The following SDK1 variants were observed in gnomAD, a reference collection of about 807,000 sequenced individuals.
The protein encoded by SDK1 is sidekick cell adhesion molecule 1.
In SDK1, 157 loss-of-function variants were observed where a neutral mutation model predicts 245.5. That is an observed-to-expected ratio of 0.64 (90% confidence interval 0.56 to 0.73). The LOEUF (loss-of-function observed/expected upper bound fraction) is 0.73, where lower values mean the gene tolerates loss of function less well. SDK1 is among the 30% of genes least tolerant of loss of function. SDK1 has a pLI of 0.00. For missense variants in SDK1, 3,583 were observed against 3,002.3 expected (o/e 1.19, Z -4.52); for synonymous variants, 1,647 against 1,278.5 (o/e 1.29, Z -6.15).
chr7:3,541,197 G>C (rs1779044691), intron 1 of SDK1, among the ~76,000 whole-genome samples: 1 of 152,220 alleles, frequency 6.6e-6, no homozygotes, highest in Admixed American at 6.5e-5. Flanking sequence ...CATGGAGTAT[G>C]TTTTCATTTT....
intron 1 of SDK1, among the ~76,000 whole-genome samples, chr7:3,522,219 G>T (rs1298799898): frequency 6.6e-6 from 1 of 152,022 alleles, no homozygotes; most frequent in Non-Finnish European, 1.5e-5. Context: ...CAGGCTTTCA[G>T]TGCTTCACAT....
intron 4 of SDK1, among the ~76,000 whole-genome samples, chr7:3,710,309 C>T (rs1785012483): frequency 6.6e-6 from 1 of 152,130 alleles, no homozygotes; most frequent in African/African-American, 2.4e-5. Context: ...ATTAGGTGGG[C>T]GTGAGATCCT....
At chr7:3,781,516 C>G (rs1364204039) in intron 4 of SDK1, among the ~76,000 whole-genome samples, 1 of 152,092 alleles carries the variant, frequency 6.6e-6, no homozygotes, top group Non-Finnish European at 1.5e-5. Context: ...ATTACAATGA[C>G]TCAAGGGAAT....
In SDK1 at chr7:3,489,064, C is replaced by T. The variant is rs111239001; in HGVS notation, c.299-130016C>T. Among the ~76,000 whole-genome samples the T allele has an allele frequency of 3.3e-5, 5 of 152,212 alleles. 1 individual carries two copies. Among genetic ancestry groups the T allele is most frequent in the African/African-American group, 1.2e-4 (5 of 41,542 alleles). On this transcript the variant is annotated intron_variant, in intron 1 of 44. Coordinates refer to ENST00000404826, the MANE Select transcript of SDK1 (RefSeq NM_152744.4). ...AGTAGAGTGCAATGTTGATTCATGG[C>T]TTGAGGGCCAGTCCAGGCTAGCGAT...
In SDK1 at chr7:3,331,047, C is replaced by T. The variant is rs188101912; in HGVS notation, c.298+29163C>T. On this transcript the variant is annotated intron_variant, in intron 1 of 44. Coordinates refer to ENST00000404826, the MANE Select transcript of SDK1 (RefSeq NM_152744.4). The stretch of plus-strand genomic sequence containing the variant: ...TTGGGAGGCCAAGGCAGGTGGATCA[C>T]GAGGTCAGGAGTTTGAGACTAGTCT... Among the ~76,000 whole-genome samples the T allele has an allele frequency of 1.2e-3, 185 of 152,054 alleles. 3 individuals carry two copies. Among genetic ancestry groups the T allele is most frequent in the Non-Finnish European group, 4.4e-4 (30 of 67,970 alleles).
intron 4 of SDK1, among the ~76,000 whole-genome samples, chr7:3,666,885 G>C (rs1337822529): frequency 6.6e-6 from 1 of 152,140 alleles, no homozygotes; most frequent in Non-Finnish European, 1.5e-5. Context: ...GTCTGCATCT[G>C]CTATCCGTCA....
intron 1 of SDK1, among the ~76,000 whole-genome samples, chr7:3,565,911 A>G (rs532378003): frequency 6.6e-6 from 1 of 152,352 alleles, no homozygotes; most frequent in African/African-American, 2.4e-5. Flanking sequence ...CCACAGATGC[A>G]GAGGATGAAC....
chr7:3,476,461 T>C (rs1401286675), intron 1 of SDK1, among the ~76,000 whole-genome samples: 2 of 152,232 alleles, frequency 1.3e-5, no homozygotes, highest in African/African-American at 2.4e-5. Context: ...ATTGTTCTCA[T>C]TGTAATCTAT....
intron 25 of SDK1, among the ~76,000 whole-genome samples, chr7:4,126,690 A>G (rs540931358): frequency 6.6e-6 from 1 of 152,384 alleles, no homozygotes; most frequent in Non-Finnish European, 1.5e-5. Flanking sequence ...ACTGCTCTCC[A>G]GTCTGAAATA....
chr7:4,089,256 G>A (rs992865916), intron 22 of SDK1, among the ~76,000 whole-genome samples: 4 of 152,198 alleles, frequency 2.6e-5, no homozygotes, highest in Admixed American at 2.0e-4. Context: ...ATCTGCACAG[G>A]GTGCTCAGTG....
chr7:3,705,457 T>TTTTA (rs1784857330), intron 4 of SDK1, among the ~76,000 whole-genome samples: 1 of 132,548 alleles, frequency 7.5e-6, no homozygotes, highest in South Asian at 2.1e-4. Flanking sequence ...TTTTATTTTA[T>TTTTA]TTTATTTTAT....
At chr7:3,349,650 A>G (rs1289385135) in intron 1 of SDK1, among the ~76,000 whole-genome samples, 1 of 152,098 alleles carries the variant, frequency 6.6e-6, no homozygotes, top group East Asian at 1.9e-4. Flanking sequence ...CCCAGGCTGC[A>G]GTGCAGTGGT....
intron 4 of SDK1, among the ~76,000 whole-genome samples, chr7:3,746,771 T>G (rs1779635418): frequency 6.6e-6 from 1 of 152,212 alleles, no homozygotes; most frequent in South Asian, 2.1e-4. Flanking sequence ...ACATCTGCAC[T>G]TACTTCTTCC....
At chr7:4,217,765 G>C (rs1191738990) in intron 38 of SDK1, among the ~76,000 whole-genome samples, 1 of 152,184 alleles carries the variant, frequency 6.6e-6, no homozygotes, top group Non-Finnish European at 1.5e-5. Context: ...CTGAGGCTTT[G>C]TAGTGCTGGG....
intron 2 of SDK1, among the ~76,000 whole-genome samples, chr7:3,636,130 C>G (rs1029254093): frequency 1.3e-5 from 2 of 152,284 alleles, no homozygotes; most frequent in African/African-American, 4.8e-5. Context: ...TAATTATACG[C>G]CCATGAAACT....
At position 4,121,020 on chromosome 7, in the gene SDK1, T is replaced by C. The variant is rs917240655; in HGVS notation, c.3824-6361T>C. The stretch of plus-strand genomic sequence containing the variant: ...CAAACATTTCCAGCTGTTGAAAACC[T>C]ATCTTTATAGTAGTCAAGAGAATGC... On this transcript the variant is annotated intron_variant, in intron 25 of 44. Transcript: ENST00000404826. Among the ~76,000 whole-genome samples, 23 of 151,970 alleles carry C rather than the reference T, an allele frequency of 1.5e-4. 1 individual carries two copies. The highest frequency in any genetic ancestry group is 6.2e-4 in the South Asian group (3 of 4,810).
Position 4,149,347 on chromosome 7 carries a change from C to T in SDK1, c.4509C>T (p.Ser1503=), listed in dbSNP as rs748912663. ...TCCGGCTCCAGTGGGTCCCGGGCAGCGACGGGGCCTCCCCCATCCGGTACT... is the reference window on the plus strand; with the variant it reads ...TCCGGCTCCAGTGGGTCCCGGGCAGTGACGGGGCCTCCCCCATCCGGTACT... ...RSLRLQWVPG[S]DGASPIRYFT... Residue 1503 remains serine (S), a synonymous_variant, in exon 30 of 45, where the codon AGC becomes AGT. Transcript: ENST00000404826. The T allele has an allele frequency of 2.5e-6, 4 of 1,590,274 alleles. No homozygotes were observed. The highest frequency in any genetic ancestry group is 2.6e-6 in the Non-Finnish European group (3 of 1,168,864).
chr7:3,920,308 A>G (rs969651924), intron 5 of SDK1, among the ~76,000 whole-genome samples: 2 of 152,144 alleles, frequency 1.3e-5, no homozygotes, highest in Non-Finnish European at 2.9e-5. Context: ...AATCTGAAGG[A>G]AAGATTTGCA....
intron 5 of SDK1, among the ~76,000 whole-genome samples, chr7:3,875,633 GTTTGTAGA>G (rs760308148): frequency 6.6e-6 from 1 of 152,184 alleles, no homozygotes; most frequent in Non-Finnish European, 1.5e-5. Context: ...AACCCTCCCA[GTTTGTAGA>G]TGTAGAGACT....
Sources: gnomAD v4.1 joint callset for allele counts (sites outside exome capture counted in the v4.1 genomes callset) on GRCh38, gnomAD v4.1.1 for gene constraint, MANE v1.5 for transcripts, NCBI Gene and HGNC (gene_info 2026-07-23, HGNC 2026-07-21) for gene names.